Variants in WASHC4 observed in about 807,000 individuals in gnomAD.
WASHC4 encodes WASH complex subunit 7.
In WASHC4, 86 loss-of-function variants were observed where a neutral mutation model predicts 166.6. The observed-to-expected ratio is 0.52, with a 90% CI of 0.43 to 0.62. The LOEUF (loss-of-function observed/expected upper bound fraction) is 0.62. Ranked by LOEUF, WASHC4 falls within the 20% of genes least tolerant of loss-of-function variation. The pLI is 0.00. For synonymous variants in WASHC4, 446 were observed against 451.6 expected (o/e 0.99, Z 0.16); for missense variants, 1,262 against 1,382.4 (o/e 0.91, Z 1.38).
In WASHC4 at chr12:105,140,965, G is replaced by A. The variant is rs372687325; in HGVS notation, c.1627G>A (p.Ala543Thr). ...RLDVLSALVL[A>T]ENTLNGPSTK... ...TGATGTGCTCTCTGCTCTAGTTTTG[G>A]CTGAAAACACTCTAAATGGACCAAG... Residue 543 changes from alanine to threonine, a missense_variant, in exon 17 of 33, where the codon GCT becomes ACT. Ala to Thr is a moderately conservative substitution (Grantham distance 58, BLOSUM62 0). Coordinates refer to ENST00000332180, the MANE Select transcript of WASHC4 (RefSeq NM_015275.3). The A allele has an allele frequency of 1.9e-6, 3 of 1,613,950 alleles. No homozygotes were observed. The highest frequency in any genetic ancestry group is 2.7e-5 in the African/African-American group (2 of 74,888).
rs748398234 is a variant in WASHC4, at chr12:105,152,333, T to G, written c.2650-10T>G. On this transcript the variant is annotated splice_polypyrimidine_tract_variant and intron_variant, in intron 25 of 32. Transcript: ENST00000332180. ...CTTTATTAAAAGTAGCCTTAAAATT[T>G]TCTGTCTAGTATCCTTTTGATAGAG... The G allele has an allele frequency of 2.1e-6, 3 of 1,410,882 alleles. No individual in the cohort carries two copies. The highest frequency in any genetic ancestry group is 3.0e-6 in the Non-Finnish European group (3 of 995,670). 87.4% of individuals were successfully genotyped at this position (1,410,882 alleles called of 1,614,324 possible).
chr12:105,132,199 C>T (rs575385654), intron 13 of WASHC4, among the ~76,000 whole-genome samples: 8 of 152,350 alleles, frequency 5.3e-5, no homozygotes, highest in African/African-American at 1.4e-4. Flanking sequence ...GACGGAGTCT[C>T]GCTCTGTCGC....
chr12:105,111,265 G>A lies in WASHC4; in HGVS notation c.201+1G>A. The A allele has an allele frequency of 1.3e-6, 2 of 1,595,400 alleles. No homozygotes were observed. The highest frequency in any genetic ancestry group is 1.7e-6 in the Non-Finnish European group (2 of 1,166,178). ...CAATCTTGATCCTATAGCATTAAAGGTTTGATTTGATTTTTTAAAAATATA... is the reference window on the plus strand; with the variant it reads ...CAATCTTGATCCTATAGCATTAAAGATTTGATTTGATTTTTTAAAAATATA... On this transcript the variant is annotated splice_donor_variant, in intron 2 of 32. Coordinates refer to ENST00000332180, the MANE Select transcript of WASHC4 (RefSeq NM_015275.3). LOFTEE classifies it high-confidence loss of function.
chr12:105,166,954 T>A lies in WASHC4; in HGVS notation c.*23T>A. Reference sequence around the variant, plus strand: ...TGATACGGATGGTATTCACTGCACATATGATGAAATCATCAGAATTGTTAA... The same window carrying A: ...TGATACGGATGGTATTCACTGCACAAATGATGAAATCATCAGAATTGTTAA... On this transcript the variant is annotated 3_prime_UTR_variant, in exon 33 of 33. Transcript: ENST00000332180. 1 of 1,501,890 alleles carries A rather than the reference T, an allele frequency of 6.7e-7. No homozygotes were observed. Among genetic ancestry groups the A allele is most frequent in the Non-Finnish European group, 9.2e-7 (1 of 1,083,758 alleles). The allele number at this position is 1,501,890 out of a possible 1,614,324, so 93.0% of individuals were successfully genotyped here. A position where few individuals can be genotyped will look rare whatever the true frequency, so the allele number is the denominator to read the frequency against.
chr12:105,148,482 T>C, intron 24 of WASHC4: 1 of 985,334 alleles, frequency 1.0e-6, no homozygotes, highest in Non-Finnish European at 1.2e-6. Flanking sequence ...ATTACACTAA[T>C]GAATGTAGAT....
intron 20 of WASHC4, among the ~76,000 whole-genome samples, chr12:105,143,697 T>C (rs953467507): frequency 2.2e-4 from 34 of 152,036 alleles, no homozygotes; most frequent in African/African-American, 8.2e-4. Flanking sequence ...TAAGGAAATA[T>C]GTATTATAAA....
rs752373359 is a variant in WASHC4, at chr12:105,114,443, C to T, written c.321+16C>T. The T allele has an allele frequency of 2.0e-6, 3 of 1,518,296 alleles. No individual in the cohort carries two copies. Among genetic ancestry groups the T allele is most frequent in the South Asian group, 1.2e-5 (1 of 85,990 alleles). The allele number at this position is 1,518,296 out of a possible 1,614,324, so 94.1% of individuals were successfully genotyped here. On this transcript the variant is annotated intron_variant, in intron 4 of 32. Coordinates refer to ENST00000332180, the MANE Select transcript of WASHC4 (RefSeq NM_015275.3). Reference sequence around the variant, plus strand: ...AAAATATGAGGTAATTATTTGAATTCTTGTCTTAAAACTTTAAAAACATCA... The same window carrying T: ...AAAATATGAGGTAATTATTTGAATTTTTGTCTTAAAACTTTAAAAACATCA...
At chr12:105,134,714 C>G (rs558341822) in intron 14 of WASHC4, among the ~76,000 whole-genome samples, 35 of 151,782 alleles carry the variant, frequency 2.3e-4, no homozygotes, top group Admixed American at 1.1e-3. Flanking sequence ...CTTCCTGGCT[C>G]CTTATAGTTA....
intron 28 of WASHC4, among the ~76,000 whole-genome samples, chr12:105,158,789 A>G (rs1884320394): frequency 6.6e-6 from 1 of 152,218 alleles, no homozygotes; most frequent in Non-Finnish European, 1.5e-5. Context: ...CTAAAGCATT[A>G]ATGGGCTAAG....
chr12:105,111,292 G>A, intron 2 of WASHC4, 28 bp downstream of exon 2: 17 of 1,420,344 alleles, frequency 1.2e-5, no homozygotes, highest in African/African-American at 2.8e-5. Context: ...AAAAATATAT[G>A]TATATATTTT....
chr12:105,149,758 C>T lies in WASHC4; in HGVS notation c.2649+9C>T, dbSNP rs1181392055. The T allele has an allele frequency of 7.6e-6, 12 of 1,589,128 alleles. 1 individual carries two copies. In the South Asian group the frequency reaches 1.4e-4, roughly 18 times the overall value. On this transcript the variant is annotated intron_variant, in intron 25 of 32. Transcript: ENST00000332180. Reference sequence around the variant, plus strand: ...ACCAAAATGATCATAAGGTAGGCTACCTATTCTTTTTAAGGTATTTGATTA... The same window carrying T: ...ACCAAAATGATCATAAGGTAGGCTATCTATTCTTTTTAAGGTATTTGATTA...
chr12:105,158,766 T>C (rs568996099), intron 28 of WASHC4, among the ~76,000 whole-genome samples: 4 of 152,334 alleles, frequency 2.6e-5, no homozygotes, highest in African/African-American at 9.6e-5. Flanking sequence ...TTTTCATTCT[T>C]AATAGATTCA....
At chr12:105,151,182 T>C (rs1388672428) in intron 25 of WASHC4, among the ~76,000 whole-genome samples, 3 of 149,798 alleles carry the variant, frequency 2.0e-5, no homozygotes, top group Non-Finnish European at 4.4e-5. Flanking sequence ...AACGCCGTTT[T>C]CCTTTCACCT....
chr12:105,112,216 A>G lies in WASHC4; in HGVS notation c.201+952A>G, dbSNP rs557348242. On this transcript the variant is annotated intron_variant, in intron 2 of 32. Coordinates refer to ENST00000332180, the MANE Select transcript of WASHC4 (RefSeq NM_015275.3). Reference sequence around the variant, plus strand: ...TTTCAAGGCTCATCTATGTTGTCACATGTTTTTAGTACTTTCTTTTTTTGC... The same window carrying G: ...TTTCAAGGCTCATCTATGTTGTCACGTGTTTTTAGTACTTTCTTTTTTTGC... 5.3e-5 allele frequency among the ~76,000 whole-genome samples: 8 copies of G among 152,218 alleles called. No homozygotes were observed. In the South Asian group the frequency reaches 8.3e-4, roughly 16 times the overall value.
At chr12:105,153,995 C>T (rs567186964) in intron 26 of WASHC4, among the ~76,000 whole-genome samples, 3 of 151,610 alleles carry the variant, frequency 2.0e-5, no homozygotes, top group South Asian at 4.2e-4. Flanking sequence ...TTTAATCCAT[C>T]GTTTTACTCT....
intron 29 of WASHC4, among the ~76,000 whole-genome samples, chr12:105,161,184 C>A (rs1015138302): frequency 9.2e-5 from 14 of 152,096 alleles, no homozygotes; most frequent in Non-Finnish European, 1.5e-4. Context: ...CATATTGCTG[C>A]CCAAGTTGTT....
intron 14 of WASHC4, among the ~76,000 whole-genome samples, chr12:105,136,169 A>G (rs1483787898): frequency 6.6e-6 from 1 of 152,148 alleles, no homozygotes; most frequent in Non-Finnish European, 1.5e-5. Flanking sequence ...TCAGGATGCC[A>G]ACTCAGAACT....
intron 31 of WASHC4, 152 bp downstream of exon 31, chr12:105,164,459 A>G (rs1301886433): frequency 7.2e-6 from 6 of 837,778 alleles, no homozygotes; most frequent in Non-Finnish European, 9.7e-6. Context: ...AATGAGTGCT[A>G]TTTGGAAGCC....
chr12:105,139,415 A>ATGTGTGTGTGTGTG lies in WASHC4; in HGVS notation c.1453-868_1453-867insGTGTGTGTGTGTGT, dbSNP rs144001458. On this transcript the variant is annotated intron_variant, in intron 15 of 32. Transcript: ENST00000332180. ...TTGTCTCTATAGACAGACTATATAT[A>ATGTGTGTGTGTGTG]TGTGTGTGTGTATATATATATATAT... 2.1e-3 allele frequency among the ~76,000 whole-genome samples: 199 copies of ATGTGTGTGTGTGTG among 94,378 alleles called. 3 individuals carry two copies. The highest frequency in any genetic ancestry group is 5.6e-3 in the African/African-American group (128 of 22,896). The allele number at this position is 94,378 out of a possible 152,430, so 61.9% of individuals were successfully genotyped here.
Sources: allele counts gnomAD v4.1 joint callset (sites outside exome capture counted in the v4.1 genomes callset), GRCh38; gene constraint gnomAD v4.1.1; transcripts MANE v1.5; gene names NCBI Gene and HGNC (gene_info 2026-07-23, HGNC 2026-07-21).